The following LIMS1 variants were observed in gnomAD, a reference collection of about 807,000 sequenced individuals.
LIMS1 encodes LIM zinc finger domain containing 1.
In LIMS1, 18 loss-of-function variants were observed where a neutral mutation model predicts 44.1. The observed-to-expected ratio is 0.41, with a 90% CI of 0.28 to 0.61. LIMS1 has a LOEUF of 0.61. Ranked by LOEUF, LIMS1 falls within the 20% of genes least tolerant of loss-of-function variation. The pLI is 0.32. For missense variants in LIMS1, 201 were observed against 422.0 expected, an observed-to-expected ratio of 0.48 and a Z score of 4.59; for synonymous variants, 93 against 149.1, an observed-to-expected ratio of 0.62 and a Z score of 2.74.
chr2:108,680,185 A>T (rs1692862888), intron 8 of LIMS1, among the ~76,000 whole-genome samples: 1 of 151,936 alleles, frequency 6.6e-6, no homozygotes, highest in Admixed American at 6.6e-5. Context: ...CTTGGCCAAC[A>T]TGGTGAAATC....
rs199533851 is a variant in LIMS1, at chr2:108,612,039, C to T, written c.33-47566C>T. 2.4e-5 allele frequency among the ~76,000 whole-genome samples: 3 copies of T among 125,468 alleles called. 1 individual carries two copies. The highest frequency in any genetic ancestry group is 1.6e-5 in the Non-Finnish European group (1 of 62,650). 82.3% of individuals were successfully genotyped at this position (125,468 alleles called of 152,430 possible). A position where few individuals can be genotyped will look rare whatever the true frequency, so the allele number is the denominator to read the frequency against. On this transcript the variant is annotated intron_variant, in intron 1 of 9. Transcript: ENST00000544547. ...ATATACACACACATATACACACACA[C>T]ACACACACACACACATATATATATA... is the stretch of plus-strand genomic sequence containing the variant.
At chr2:108,550,900 T>C (rs920479810) in intron 1 of LIMS1, among the ~76,000 whole-genome samples, 2 of 151,866 alleles carry the variant, frequency 1.3e-5, no homozygotes, top group Non-Finnish European at 2.9e-5. Context: ...GTGGGAGGAT[T>C]GCTTGAGGCC....
intron 2 of LIMS1, among the ~76,000 whole-genome samples, chr2:108,663,144 G>A (rs1173151058): frequency 6.6e-6 from 1 of 151,794 alleles, no homozygotes; most frequent in Non-Finnish European, 1.5e-5. Flanking sequence ...CTTAAGACAG[G>A]GTCTTACCGT....
upstream of LIMS1, chr2:108,534,218 A>C (rs1256459695): frequency 6.4e-6 from 1 of 156,802 alleles, no homozygotes; most frequent in Non-Finnish European, 1.4e-5. Flanking sequence ...GGGTGCTGAA[A>C]TGGGGGCGGG....
At chr2:108,670,432 T>C (rs537044078) in intron 2 of LIMS1, among the ~76,000 whole-genome samples, 59 of 152,136 alleles carry the variant, frequency 3.9e-4, no homozygotes, top group African/African-American at 1.4e-3. Context: ...GTTGTATGTA[T>C]GTGCATATTT....
intron 5 of LIMS1, among the ~76,000 whole-genome samples, chr2:108,674,649 A>G (rs1692390348): frequency 7.9e-6 from 1 of 127,296 alleles, no homozygotes; most frequent in African/African-American, 3.0e-5. Flanking sequence ...TGAACCTGGG[A>G]GGTGGAGCTT....
intron 1 of LIMS1, among the ~76,000 whole-genome samples, chr2:108,543,365 TACTG>T (rs1684376684): frequency 6.6e-6 from 1 of 152,220 alleles, no homozygotes; most frequent in Non-Finnish European, 1.5e-5. Flanking sequence ...ACTGTTTCAA[TACTG>T]ACTGACTGGT....
At chr2:108,626,744 T>C (rs997589563) in intron 1 of LIMS1, among the ~76,000 whole-genome samples, 3 of 152,244 alleles carry the variant, frequency 2.0e-5, no homozygotes, top group South Asian at 2.1e-4. Context: ...TTTTTATTTA[T>C]GTACAGTATC....
intron 8 of LIMS1, among the ~76,000 whole-genome samples, chr2:108,679,322 T>G (rs1040702859): frequency 6.6e-6 from 1 of 151,594 alleles, no homozygotes; most frequent in Non-Finnish European, 1.5e-5. Context: ...CTACTAAAAA[T>G]ACAAAAACTT....
chr2:108,572,844 C>T (rs1435164930), intron 1 of LIMS1, among the ~76,000 whole-genome samples: 7 of 152,052 alleles, frequency 4.6e-5, no homozygotes, highest in Admixed American at 3.3e-4. Context: ...TGGAACTGGC[C>T]GCTGAACCTG....
Position 108,569,764 on chromosome 2 carries a change from C to CCTTTTT in LIMS1, c.32+35170_32+35171insCTTTTT, listed in dbSNP as rs753691810. Among the ~76,000 whole-genome samples the CCTTTTT allele has an allele frequency of 1.4e-3, 157 of 113,110 alleles. 1 individual carries two copies. The highest frequency in any genetic ancestry group is 1.5e-3 in the African/African-American group (45 of 29,148). 74.2% of individuals were successfully genotyped at this position (113,110 alleles called of 152,430 possible). A position where few individuals can be genotyped will look rare whatever the true frequency, so the allele number is the denominator to read the frequency against. ...TACAAACACTCACCGCCATATCTGG[C>CCTTTTT]TTTTTTTTTTTTTTTTTTTAGTGAT... On this transcript the variant is annotated intron_variant, in intron 1 of 9. Transcript: ENST00000544547.
intron 1 of LIMS1, among the ~76,000 whole-genome samples, chr2:108,566,120 C>T (rs573141655): frequency 2.0e-5 from 3 of 152,286 alleles, no homozygotes; most frequent in East Asian, 3.9e-4. Context: ...GAAGCAGGCT[C>T]CGTCACTTAC....
intron 6 of LIMS1, 127 bp downstream of exon 6, chr2:108,676,155 C>T (rs1029942415): frequency 4.0e-6 from 5 of 1,243,946 alleles, no homozygotes; most frequent in Admixed American, 5.8e-5. Flanking sequence ...ATTCAGGTGT[C>T]CTGGCAAGAT....
At chr2:108,630,192 CAAAAAAA>C (rs59941456) in intron 1 of LIMS1, among the ~76,000 whole-genome samples, 11 of 103,938 alleles carry the variant, frequency 1.1e-4, no homozygotes, top group Admixed American at 2.0e-4. Flanking sequence ...GACCCTGTCT[CAAAAAAA>C]AAAAAAAAAA....
chr2:108,549,491 C>G (rs1246637719), intron 1 of LIMS1, among the ~76,000 whole-genome samples: 2 of 151,550 alleles, frequency 1.3e-5, no homozygotes, highest in Non-Finnish European at 2.9e-5. Context: ...GACAGGGTTT[C>G]CCCATGTTGG....
chr2:108,535,719 G>T lies in LIMS1; in HGVS notation c.32+1125G>T, dbSNP rs192895507. 2.0e-3 allele frequency among the ~76,000 whole-genome samples: 303 copies of T among 152,236 alleles called. 1 individual carries two copies. Among genetic ancestry groups the T allele is most frequent in the Non-Finnish European group, 3.1e-3 (208 of 68,028 alleles). On this transcript the variant is annotated intron_variant, in intron 1 of 9. Transcript: ENST00000544547. Reference sequence around the variant, plus strand: ...CAAGTTTTCCAAAATTCTCATTTTCGGTTGAAAGCTTGCTTTTTATCATTG... The same window carrying T: ...CAAGTTTTCCAAAATTCTCATTTTCTGTTGAAAGCTTGCTTTTTATCATTG...
At chr2:108,590,980 A>G (rs1022487421) in intron 1 of LIMS1, among the ~76,000 whole-genome samples, 1 of 152,216 alleles carries the variant, frequency 6.6e-6, no homozygotes, top group Non-Finnish European at 1.5e-5. Context: ...AAAATTATCT[A>G]CTGTGCTGGA....
At chr2:108,633,789 C>A (rs563687881) in intron 1 of LIMS1, among the ~76,000 whole-genome samples, 2 of 152,130 alleles carry the variant, frequency 1.3e-5, no homozygotes, top group South Asian at 4.2e-4. Context: ...AGTTTTGTTG[C>A]CCTAAAATCA....
rs545124723 is a variant in LIMS1 at position 108,615,059 on chromosome 2, T to C, written c.33-44546T>C. Among the ~76,000 whole-genome samples, 5 of 152,048 alleles carry C rather than the reference T, an allele frequency of 3.3e-5. No individual in the cohort carries two copies. The East Asian group carries it at 5.8e-4, about 18-fold the overall frequency. Reference sequence around the variant, plus strand: ...AGTTTAGAAATATGCTGAGCAGATATAGATACGCTAGAATCTATAGCGTAT... The same window carrying C: ...AGTTTAGAAATATGCTGAGCAGATACAGATACGCTAGAATCTATAGCGTAT... On this transcript the variant is annotated intron_variant, in intron 1 of 9. Coordinates refer to ENST00000544547, the Ensembl canonical transcript of LIMS1.
Sources: allele counts gnomAD v4.1 joint callset (sites outside exome capture counted in the v4.1 genomes callset), GRCh38; gene constraint gnomAD v4.1.1; transcripts MANE v1.5; gene names NCBI Gene and HGNC (gene_info 2026-07-23, HGNC 2026-07-21).